The following WRN variants were observed in gnomAD, a reference collection of about 807,000 sequenced individuals.
WRN encodes the protein WRN RecQ like helicase.
WRN carries 149 observed loss-of-function variants against 180.7 expected under a neutral mutation model. That is an observed-to-expected ratio of 0.82 (90% CI 0.72 to 0.94). The LOEUF is 0.94. Ranked by LOEUF, WRN falls within the 40% of genes least tolerant of loss-of-function variation. The pLI, the probability that WRN is intolerant of heterozygous loss-of-function variation, is 0.00. For missense variants in WRN, 1,661 were observed against 1,700.1 expected (o/e 0.98, Z 0.40); for synonymous variants, 548 against 568.9 (o/e 0.96, Z 0.52).
In WRN at chr8:31,142,656, G is replaced by A. The variant is rs1439417091; in HGVS notation, c.3264G>A (p.Glu1088=). Residue 1088 remains glutamate, a synonymous_variant, in exon 27 of 35, where the codon GAG becomes GAA. Transcript: ENST00000298139. ...SSKTVSSGTK[E]HCYNQVPVEL... ...AAACTGTATCTTCGGGCACCAAAGA[G>A]CATTGTTATAATCAAGTACCAGTTG... 3.1e-6 allele frequency: 5 copies of A among 1,603,708 alleles called. No individual in the cohort carries two copies. The African/African-American group carries it at 5.3e-5, about 17-fold the overall frequency.
Position 31,141,762 on chromosome 8 carries a change from T to C in WRN, c.3220T>C (p.Leu1074=). 6.2e-7 allele frequency: 1 copy of C among 1,614,012 alleles called. No homozygotes were observed. Among genetic ancestry groups the C allele is most frequent in the East Asian group, 2.2e-5 (1 of 44,866 alleles). The change falls in exon 26 of 35, where the codon TTG becomes CTG. Residue 1074 remains leucine, a synonymous_variant. Coordinates refer to ENST00000298139, the MANE Select transcript of WRN (RefSeq NM_000553.6). The part of the protein sequence containing the change: ...QANEELCPKK[L]LLPSSKTVSS... The stretch of plus-strand genomic sequence containing the variant: ...TAATGAAGAATTGTGTCCAAAGAAG[T>C]TGCTTCTGCCTAGGTTCATTTTTCA...
intron 34 of WRN, among the ~76,000 whole-genome samples, chr8:31,171,889 G>T (rs563081405): frequency 6.6e-6 from 1 of 152,198 alleles, no homozygotes; most frequent in Admixed American, 6.5e-5. Context: ...TAGGCTAACA[G>T]ACACCTTGTA....
intron 16 of WRN, among the ~76,000 whole-genome samples, chr8:31,092,476 C>T (rs963932095): frequency 6.6e-6 from 1 of 151,290 alleles, no homozygotes; most frequent in Non-Finnish European, 1.5e-5. Context: ...TACACACACA[C>T]ACAAACATAT....
At chr8:31,080,443 A>T (rs942358782) in intron 8 of WRN, among the ~76,000 whole-genome samples, 1 of 116,798 alleles carries the variant, frequency 8.6e-6, no homozygotes, top group Admixed American at 1.0e-4. Context: ...ATCACAGTTT[A>T]TCAAACACCT....
intron 34 of WRN, among the ~76,000 whole-genome samples, chr8:31,172,063 G>C (rs1804119805): frequency 6.6e-6 from 1 of 151,986 alleles, no homozygotes; most frequent in Non-Finnish European, 1.5e-5. Flanking sequence ...GACACTTTAG[G>C]CTTATGAAAC....
intron 18 of WRN, among the ~76,000 whole-genome samples, chr8:31,106,681 TC>T (rs1339054291): frequency 6.6e-6 from 1 of 152,138 alleles, no homozygotes; most frequent in Non-Finnish European, 1.5e-5. Context: ...TCAGATTAGT[TC>T]CCCCTCCCCC....
chr8:31,060,582 A>G (rs2725344), intron 3 of WRN, among the ~76,000 whole-genome samples: 10,504 of 152,272 alleles, frequency 0.069, 583 homozygotes, highest in East Asian at 0.22. Context: ...AGGTTAAGCT[A>G]TTTATTAATG....
intron 11 of WRN, among the ~76,000 whole-genome samples, chr8:31,085,757 C>T (rs761225052): frequency 3.9e-5 from 6 of 152,036 alleles, no homozygotes; most frequent in Admixed American, 6.6e-5. Context: ...AGGTGTGAGC[C>T]GCCGCATCCA....
intron 33 of WRN, 45 bp downstream of exon 33, chr8:31,157,575 G>A (rs1803438093): frequency 6.2e-7 from 1 of 1,609,670 alleles, no homozygotes; most frequent in South Asian, 1.1e-5. Flanking sequence ...ACTTGATGAA[G>A]TAAACAAGCA....
chr8:31,166,717 A>G (rs1439274034), intron 33 of WRN, among the ~76,000 whole-genome samples: 1 of 152,282 alleles, frequency 6.6e-6, no homozygotes, highest in East Asian at 1.9e-4. Flanking sequence ...CCTTTAGAAC[A>G]ATTCCACGAA....
chr8:31,170,818 C>A (rs1585553943), intron 34 of WRN, among the ~76,000 whole-genome samples: 4 of 152,224 alleles, frequency 2.6e-5, no homozygotes, highest in African/African-American at 9.6e-5. Flanking sequence ...TGTTGACACT[C>A]AAAAGACACA....
chr8:31,157,382 G>T lies in WRN; in HGVS notation c.3834G>T (p.Glu1278Asp). Reference protein sequence around the residue: ...EKKMPLKSIAESRILPLMTIG... With the variant: ...EKKMPLKSIADSRILPLMTIG... ...TCTTTCTCTAGAAGAGCATAGCTGA[G>T]AGCAGGATTCTGCCTCTCATGACAA... The change falls in exon 33 of 35, where the codon GAG becomes GAT. Residue 1278 changes from glutamate (E) to aspartate (D), a missense_variant. Coordinates refer to ENST00000298139, the MANE Select transcript of WRN (RefSeq NM_000553.6). 1 of 1,613,994 alleles carries T rather than the reference G, an allele frequency of 6.2e-7. No homozygotes were observed.
At chr8:31,138,555 C>T (rs898607750) in intron 24 of WRN, among the ~76,000 whole-genome samples, 1 of 152,118 alleles carries the variant, frequency 6.6e-6, no homozygotes, top group Non-Finnish European at 1.5e-5. Flanking sequence ...CTTGTTTATG[C>T]TACATATGTT....
chr8:31,165,791 A>G (rs1209830837), intron 33 of WRN, among the ~76,000 whole-genome samples: 27 of 152,174 alleles, frequency 1.8e-4, no homozygotes, highest in Admixed American at 1.8e-3. Flanking sequence ...GGATACATAC[A>G]TACAACAGAA....
intron 11 of WRN, among the ~76,000 whole-genome samples, chr8:31,085,706 G>C (rs908601644): frequency 2.0e-5 from 3 of 152,098 alleles, no homozygotes; most frequent in Non-Finnish European, 4.4e-5. Context: ...CTGGGCTCAA[G>C]TGATCTACTG....
intron 19 of WRN, among the ~76,000 whole-genome samples, chr8:31,115,908 G>C (rs899827701): frequency 6.6e-6 from 1 of 152,124 alleles, no homozygotes; most frequent in African/African-American, 2.4e-5. Flanking sequence ...TCTTGCTTTA[G>C]TAAACATTTA....
chr8:31,100,157 C>T (rs890614457), intron 17 of WRN, among the ~76,000 whole-genome samples: 9 of 152,170 alleles, frequency 5.9e-5, no homozygotes, highest in African/African-American at 1.7e-4. Flanking sequence ...AACATTGTCA[C>T]GGATGATTTT....
chr8:31,138,358 G>GT (rs1484395947), intron 24 of WRN, among the ~76,000 whole-genome samples: 2 of 152,096 alleles, frequency 1.3e-5, no homozygotes, highest in Non-Finnish European at 2.9e-5. Context: ...ACAATTTGAT[G>GT]TTATGGGTTA....
intron 28 of WRN, among the ~76,000 whole-genome samples, chr8:31,144,804 A>T (rs768701135): frequency 6.6e-6 from 1 of 152,252 alleles, no homozygotes; most frequent in Non-Finnish European, 1.5e-5. Context: ...TTCCTGAAGG[A>T]AATTAAAAAT....
Sources: gnomAD v4.1 joint callset for allele counts (sites outside exome capture counted in the v4.1 genomes callset) on GRCh38, gnomAD v4.1.1 for gene constraint, MANE v1.5 for transcripts, NCBI Gene and HGNC (gene_info 2026-07-23, HGNC 2026-07-21) for gene names.